The following COL19A1 variants were observed in gnomAD, a reference collection of about 807,000 sequenced individuals.
The protein encoded by COL19A1 is collagen alpha-1(XIX) chain.
COL19A1 carries 159 observed loss-of-function variants against 190.2 expected under a neutral mutation model. The ratio of observed to expected loss-of-function variants is 0.84; its 90% CI spans 0.73 to 0.95. COL19A1 has a LOEUF of 0.95. COL19A1 is among the 40% of genes least tolerant of loss of function. COL19A1 has a pLI of 0.00. For missense variants in COL19A1, 1,418 were observed against 1,431.9 expected, an observed-to-expected ratio of 0.99 and a Z score of 0.16; for synonymous variants, 509 against 458.9, an observed-to-expected ratio of 1.11 and a Z score of -1.39.
chr6:70,040,798 AT>A (rs1008843808), intron 14 of COL19A1, among the ~76,000 whole-genome samples: 2 of 152,198 alleles, frequency 1.3e-5, no homozygotes, highest in African/African-American at 4.8e-5. Context: ...ACCTTTAAAT[AT>A]TCTGTCAATC....
chr6:70,047,134 A>G lies in COL19A1; in HGVS notation c.1170+11195A>G, dbSNP rs1248455699. On this transcript the variant is annotated intron_variant, in intron 14 of 50. Coordinates refer to ENST00000620364, the MANE Select transcript of COL19A1 (RefSeq NM_001858.6). ...TTTTGAATAACCTGTTAAAGAATAA[A>G]AATTCCTTTTCTAAATTATTTAAAA... 2.0e-5 allele frequency among the ~76,000 whole-genome samples: 3 copies of G among 152,126 alleles called. No individual in the cohort carries two copies. The East Asian group carries it at 5.8e-4, about 29-fold the overall frequency.
intron 11 of COL19A1, among the ~76,000 whole-genome samples, chr6:70,010,347 C>CACGGAAATGTTTGTTATTTTAATTGTTAT (rs1554188641): frequency 6.7e-6 from 1 of 149,324 alleles, no homozygotes; most frequent in South Asian, 2.1e-4. Flanking sequence ...ACAAAGCAAA[C>CACGGAAATGTTTGTTATTTTAATTGTTAT]GAGGGAGGAG....
chr6:70,039,056 G>GAA (rs111937768), intron 14 of COL19A1, among the ~76,000 whole-genome samples: 1,606 of 138,742 alleles, frequency 0.012, 17 homozygotes, highest in African/African-American at 0.04. Flanking sequence ...GACTCCGTCT[G>GAA]AAAAAAAAAA....
intron 15 of COL19A1, among the ~76,000 whole-genome samples, chr6:70,073,852 G>A (rs1781700413): frequency 1.3e-5 from 2 of 152,106 alleles, no homozygotes; most frequent in Admixed American, 6.6e-5. Context: ...AATTTACTGG[G>A]ATTTTCATGT....
intron 4 of COL19A1, among the ~76,000 whole-genome samples, chr6:69,912,284 T>A (rs79339547): frequency 0.023 from 3,462 of 152,288 alleles, 129 homozygotes; most frequent in African/African-American, 0.077. Flanking sequence ...TTCTGACTTG[T>A]GTAATCTAAA....
At chr6:70,149,825 C>T in intron 28 of COL19A1, 26 bp from the exon 29 acceptor site, 2 of 1,613,612 alleles carry the variant, frequency 1.2e-6, no homozygotes, top group Non-Finnish European at 1.7e-6. Flanking sequence ...TCATAAGTAA[C>T]TGTTTTTATT....
chr6:70,139,465 A>G (rs1376242066), intron 19 of COL19A1, among the ~76,000 whole-genome samples: 4 of 151,882 alleles, frequency 2.6e-5, no homozygotes, highest in Non-Finnish European at 5.9e-5. Context: ...CCAGGTCCCT[A>G]TTCATCCCTT....
rs148302571 is a variant in COL19A1 at position 70,206,588 on chromosome 6, T to C, written c.3224-313T>C. Among the ~76,000 whole-genome samples the C allele has an allele frequency of 1.6e-3, 218 of 134,476 alleles. 3 individuals are homozygous for C. Among genetic ancestry groups the C allele is most frequent in the South Asian group, 0.015 (64 of 4,400 alleles). The allele number at this position is 134,476 out of a possible 152,430, so 88.2% of individuals were successfully genotyped here. On this transcript the variant is annotated intron_variant, in intron 49 of 50. Coordinates refer to ENST00000620364, the MANE Select transcript of COL19A1 (RefSeq NM_001858.6). ...TGGAGGTTGCAGTGAGCCAAGATAA[T>C]AGTGCCACTGCACTCCAGCCTGAGT...
chr6:69,902,822 C>T (rs1371062975), intron 4 of COL19A1, among the ~76,000 whole-genome samples: 2 of 152,184 alleles, frequency 1.3e-5, no homozygotes, highest in Non-Finnish European at 2.9e-5. Flanking sequence ...ATACTGCACT[C>T]TCACGCCAGG....
Position 70,211,228 on chromosome 6 carries a change from T to C in COL19A1, c.*3954T>C. Among the ~76,000 whole-genome samples the C allele has an allele frequency of 6.6e-6, 1 of 152,154 alleles. No homozygotes were observed. Among genetic ancestry groups the C allele is most frequent in the East Asian group, 1.9e-4 (1 of 5,194 alleles). ...AAAAGTACAATTAGAAACACTGTTT[T>C]TTTTAAGTACCGTTTTTATTTTCAT... On this transcript the variant is annotated 3_prime_UTR_variant, in exon 51 of 51. Transcript: ENST00000620364.
At chr6:70,040,964 A>G (rs577564376) in intron 14 of COL19A1, among the ~76,000 whole-genome samples, 1 of 152,346 alleles carries the variant, frequency 6.6e-6, no homozygotes, top group South Asian at 2.1e-4. Context: ...TCTGGAAACT[A>G]TTTTGTAAAA....
At chr6:70,134,958 C>T (rs948679505) in intron 18 of COL19A1, among the ~76,000 whole-genome samples, 2 of 140,332 alleles carry the variant, frequency 1.4e-5, no homozygotes, top group African/African-American at 5.1e-5. Flanking sequence ...ATATGCCAAT[C>T]GAAAGCCCCG....
chr6:70,124,277 T>C (rs1426934443), intron 17 of COL19A1, among the ~76,000 whole-genome samples: 1 of 152,146 alleles, frequency 6.6e-6, no homozygotes, highest in Non-Finnish European at 1.5e-5. Context: ...ATAAGTTGGC[T>C]CTGATGTCAC....
At position 69,929,644 on chromosome 6, in the gene COL19A1, G is replaced by A. The variant is rs1325736401; in HGVS notation, c.610G>A (p.Asp204Asn). The A allele has an allele frequency of 1.2e-6, 2 of 1,613,958 alleles. No homozygotes were observed. The highest frequency in any genetic ancestry group is 1.7e-5 in the Admixed American group (1 of 59,978). The change falls in exon 6 of 51, where the codon GAT (aspartate) becomes AAT (asparagine). Residue 204 changes from aspartate (D) to asparagine (N), a missense_variant. Physicochemically the swap from Asp to Asn is conservative, Grantham distance 23. Coordinates refer to ENST00000620364, the MANE Select transcript of COL19A1 (RefSeq NM_001858.6). ...GCAGACTGATGAAAAGGACACTGTG[G>A]ATTTCCATGGACGGACAGTTATTGC... ...RRQTDEKDTV[D>N]FHGRTVIATR...
chr6:70,142,732 A>G, intron 22 of COL19A1, 35 bp from the exon 23 acceptor site: 1 of 1,567,580 alleles, frequency 6.4e-7, no homozygotes, highest in Non-Finnish European at 8.6e-7. Flanking sequence ...TTTCTTTTTT[A>G]GCAAAGCTAA....
rs77025838 is a variant in COL19A1 at position 70,206,697 on chromosome 6, T to A, written c.3224-204T>A. On this transcript the variant is annotated intron_variant, in intron 49 of 50. Coordinates refer to ENST00000620364, the MANE Select transcript of COL19A1 (RefSeq NM_001858.6). ...CTTTTTATAGTAATTGCATGTTTTT[T>A]AAGATCCTCATTGCCCTATTATACC... 0.039 allele frequency among the ~76,000 whole-genome samples: 5,863 copies of A among 152,030 alleles called. 158 individuals carry two copies. Among genetic ancestry groups the A allele is most frequent in the Non-Finnish European group, 0.06 (4,057 of 67,956 alleles).
intron 4 of COL19A1, among the ~76,000 whole-genome samples, chr6:69,904,840 TG>T (rs1770442019): frequency 6.6e-6 from 1 of 152,204 alleles, no homozygotes; most frequent in Non-Finnish European, 1.5e-5. Context: ...GCTGTGCACT[TG>T]GGTCCCTAGG....
intron 15 of COL19A1, among the ~76,000 whole-genome samples, chr6:70,094,074 T>G (rs1783093145): frequency 1.3e-5 from 2 of 152,214 alleles, no homozygotes; most frequent in African/African-American, 2.4e-5. Context: ...CCTTTATGAC[T>G]AGTGTTGTTA....
intron 34 of COL19A1, among the ~76,000 whole-genome samples, chr6:70,161,531 A>G (rs1273260336): frequency 6.6e-6 from 1 of 152,126 alleles, no homozygotes; most frequent in Non-Finnish European, 1.5e-5. Context: ...TGAGTACGCA[A>G]AAGCATACAG....
Sources: allele counts gnomAD v4.1 joint callset (sites outside exome capture counted in the v4.1 genomes callset), GRCh38; gene constraint gnomAD v4.1.1; transcripts MANE v1.5; gene names NCBI Gene and HGNC (gene_info 2026-07-23, HGNC 2026-07-21).